Variants in KCNQ5 observed in about 807,000 individuals in gnomAD.
The protein encoded by KCNQ5 is potassium voltage-gated channel subfamily KQT member 5.
KCNQ5 carries 30 observed loss-of-function variants against 98.2 expected under a neutral mutation model. The ratio of observed to expected loss-of-function variants is 0.31; its 90% CI spans 0.23 to 0.41. KCNQ5 has a LOEUF of 0.41. KCNQ5 is among the 10% of genes least tolerant of loss of function. The probability of loss-of-function intolerance (pLI) is 1.00; values close to 1 mark genes in which losing one functional copy is unlikely to be tolerated. For missense variants in KCNQ5, 835 were observed against 1,182.5 expected, an observed-to-expected ratio of 0.71 and a Z score of 4.31; for synonymous variants, 458 against 449.4, an observed-to-expected ratio of 1.02 and a Z score of -0.24.
chr6:72,860,707 A>T (rs1030444259), intron 1 of KCNQ5, among the ~76,000 whole-genome samples: 1 of 152,158 alleles, frequency 6.6e-6, no homozygotes, highest in African/African-American at 2.4e-5. Flanking sequence ...TCTGTTCCAG[A>T]GATACTTTCC....
intron 1 of KCNQ5, among the ~76,000 whole-genome samples, chr6:72,626,107 A>G (rs866370605): frequency 4.6e-5 from 7 of 152,294 alleles, no homozygotes; most frequent in Middle Eastern, 6.8e-3. Flanking sequence ...AAAGGCCTCC[A>G]CTCTGGAGGA....
chr6:73,108,955 C>T (rs73753254), intron 6 of KCNQ5, among the ~76,000 whole-genome samples: 2,600 of 152,216 alleles, frequency 0.017, 74 homozygotes, highest in African/African-American at 0.058. Context: ...TTATTGGTGT[C>T]AGTATTTGAA....
chr6:72,714,748 A>G (rs1261138024), intron 1 of KCNQ5, among the ~76,000 whole-genome samples: 2 of 152,196 alleles, frequency 1.3e-5, no homozygotes, highest in African/African-American at 4.8e-5. Context: ...CAGTTTCTAA[A>G]TGATAACTGC....
At chr6:72,682,898 C>A (rs2154473886) in intron 1 of KCNQ5, among the ~76,000 whole-genome samples, 1 of 152,226 alleles carries the variant, frequency 6.6e-6, no homozygotes, top group Middle Eastern at 3.4e-3. Context: ...AAGGCTCCTC[C>A]AGGAGCCTCT....
intron 3 of KCNQ5, among the ~76,000 whole-genome samples, chr6:73,063,762 GAT>G (rs1772930504): frequency 7.0e-6 from 1 of 142,484 alleles, no homozygotes; most frequent in African/African-American, 2.7e-5. Flanking sequence ...TAGATAGATA[GAT>G]ATAATAGATC....
intron 3 of KCNQ5, among the ~76,000 whole-genome samples, chr6:73,053,039 G>A (rs1291926190): frequency 2.0e-5 from 3 of 152,150 alleles, no homozygotes; most frequent in Non-Finnish European, 4.4e-5. Context: ...TCAAACTAAA[G>A]GGATGGAGAA....
At chr6:72,646,729 A>G (rs973186907) in intron 1 of KCNQ5, among the ~76,000 whole-genome samples, 2 of 152,234 alleles carry the variant, frequency 1.3e-5, no homozygotes, top group Admixed American at 1.3e-4. Flanking sequence ...GCCCATAAGC[A>G]TACATTGCAG....
chr6:72,821,067 G>C (rs1002950931), intron 1 of KCNQ5, among the ~76,000 whole-genome samples: 1 of 152,200 alleles, frequency 6.6e-6, no homozygotes. Flanking sequence ...GTAGCTTCAA[G>C]AGCTGGTGGA....
chr6:73,074,331 C>A (rs1447980475), intron 3 of KCNQ5, among the ~76,000 whole-genome samples: 1 of 152,122 alleles, frequency 6.6e-6, no homozygotes, highest in African/African-American at 2.4e-5. Context: ...ATGACTGTAA[C>A]CCAACCAGAA....
intron 10 of KCNQ5, among the ~76,000 whole-genome samples, chr6:73,152,711 T>A (rs1777200525): frequency 6.6e-6 from 1 of 152,194 alleles, no homozygotes; most frequent in Admixed American, 6.5e-5. Context: ...TCTGAGTGTA[T>A]TAGAGCTGAT....
chr6:72,820,411 G>T (rs1184686382), intron 1 of KCNQ5, among the ~76,000 whole-genome samples: 2 of 152,042 alleles, frequency 1.3e-5, no homozygotes, highest in Admixed American at 1.3e-4. Flanking sequence ...AGCAGGCAGG[G>T]TGAAATATTG....
intron 1 of KCNQ5, among the ~76,000 whole-genome samples, chr6:72,784,521 G>A (rs1773640557): frequency 1.3e-5 from 2 of 152,106 alleles, no homozygotes; most frequent in Admixed American, 1.3e-4. Flanking sequence ...GGCTTAATGA[G>A]GTCAGGATTT....
At chr6:72,666,695 G>A (rs557454192) in intron 1 of KCNQ5, among the ~76,000 whole-genome samples, 16 of 152,160 alleles carry the variant, frequency 1.1e-4, no homozygotes, top group African/African-American at 3.4e-4. Context: ...ATGAAGTTTT[G>A]AGAAATATGT....
In KCNQ5 at chr6:73,183,953, G is replaced by A. The variant is rs147777404; in HGVS notation, c.1578-6620G>A. Among the ~76,000 whole-genome samples, 3 of 152,174 alleles carry A rather than the reference G, an allele frequency of 2.0e-5. No homozygotes were observed. In the East Asian group the frequency reaches 5.8e-4, roughly 29 times the overall value. ...CAATCTCCTAGGAATGAAAAACTGA[G>A]GTTGTATTCTTTTTAGACTCTAGCC... On this transcript the variant is annotated intron_variant, in intron 11 of 13. Coordinates refer to ENST00000370398, the MANE Select transcript of KCNQ5 (RefSeq NM_019842.4).
chr6:72,899,282 A>G (rs564180367), intron 1 of KCNQ5, among the ~76,000 whole-genome samples: 3 of 152,188 alleles, frequency 2.0e-5, no homozygotes, highest in Non-Finnish European at 4.4e-5. Flanking sequence ...ATAACCATAT[A>G]CTATTCCAAC....
At chr6:73,075,384 A>G (rs1773489779) in intron 3 of KCNQ5, among the ~76,000 whole-genome samples, 1 of 151,880 alleles carries the variant, frequency 6.6e-6, no homozygotes, top group Admixed American at 6.6e-5. Context: ...CACCACACCC[A>G]GCTAATTTTT....
chr6:72,961,988 G>T (rs1360939342), intron 1 of KCNQ5, among the ~76,000 whole-genome samples: 1 of 151,488 alleles, frequency 6.6e-6, no homozygotes, highest in Non-Finnish European at 1.5e-5. Flanking sequence ...ATCAGCCTGG[G>T]CAACATGGTG....
At chr6:72,751,103 A>G (rs2154476583) in intron 1 of KCNQ5, among the ~76,000 whole-genome samples, 1 of 152,194 alleles carries the variant, frequency 6.6e-6, no homozygotes, top group South Asian at 2.1e-4. Flanking sequence ...GTTTAATACA[A>G]GAAGGGTTAT....
intron 1 of KCNQ5, chr6:72,987,374 G>A (rs761603618): frequency 1.4e-6 from 1 of 718,956 alleles, no homozygotes; most frequent in Non-Finnish European, 2.6e-6. Context: ...TCGATCGAGA[G>A]TCAGGCAAAA....
Sources: gnomAD v4.1 joint callset for allele counts (sites outside exome capture counted in the v4.1 genomes callset) on GRCh38, gnomAD v4.1.1 for gene constraint, MANE v1.5 for transcripts, NCBI Gene and HGNC (gene_info 2026-07-23, HGNC 2026-07-21) for gene names.